Variants in HHAT observed in about 807,000 individuals in gnomAD.
HHAT encodes the protein protein-cysteine N-palmitoyltransferase HHAT.
In HHAT, 47 loss-of-function variants were observed where a neutral mutation model predicts 70.8. That is an observed-to-expected ratio of 0.66 (90% CI 0.53 to 0.85). The LOEUF (loss-of-function observed/expected upper bound fraction) is 0.85, where lower values mean the gene tolerates loss of function less well. HHAT is among the 40% of genes least tolerant of loss of function. The pLI, the probability that HHAT is intolerant of heterozygous loss-of-function variation, is 0.00. For missense variants in HHAT, 609 were observed against 604.8 expected (o/e 1.01, Z -0.07); for synonymous variants, 228 against 247.6 (o/e 0.92, Z 0.74).
At chr1:210,376,134 G>T (rs972112844) in intron 3 of HHAT, among the ~76,000 whole-genome samples, 2 of 150,984 alleles carry the variant, frequency 1.3e-5, no homozygotes, top group Admixed American at 6.7e-5. Flanking sequence ...CAAAGTTCTG[G>T]GATTACAGGC....
Position 210,617,627 on chromosome 1 carries a change from C to G in HHAT, c.1246-5899C>G, listed in dbSNP as rs146320411. Among the ~76,000 whole-genome samples, 696 of 152,332 alleles carry G rather than the reference C, an allele frequency of 4.6e-3. 9 individuals carry two copies. Among genetic ancestry groups the G allele is most frequent in the African/African-American group, 0.015 (641 of 41,558 alleles). On this transcript the variant is annotated intron_variant, in intron 10 of 11. Transcript: ENST00000261458. ...GTTTCCTTAGTTATTTGAAAGTACTCTGAAATTCTTGCATGTACTGCATGG... is the reference window on the plus strand; with the variant it reads ...GTTTCCTTAGTTATTTGAAAGTACTGTGAAATTCTTGCATGTACTGCATGG...
At chr1:210,353,177 C>T (rs1483302406) in intron 2 of HHAT, among the ~76,000 whole-genome samples, 2 of 152,102 alleles carry the variant, frequency 1.3e-5, no homozygotes, top group East Asian at 3.9e-4. Context: ...CTGGGGTAAT[C>T]CACTCCCCTC....
At chr1:210,636,575 G>GTTATTCCTT (rs1426818307) in intron 11 of HHAT, among the ~76,000 whole-genome samples, 1 of 152,088 alleles carries the variant, frequency 6.6e-6, no homozygotes, top group Non-Finnish European at 1.5e-5. Flanking sequence ...TTTTGGCCTG[G>GTTATTCCTT]TTATTCCTTA....
chr1:210,527,648 A>G (rs2095266940), intron 9 of HHAT, among the ~76,000 whole-genome samples: 2 of 152,356 alleles, frequency 1.3e-5, no homozygotes, highest in South Asian at 4.1e-4. Context: ...AGGTTTGGCG[A>G]TTCACAAGCT....
rs186082943 is a variant in HHAT at position 210,607,394 on chromosome 1, G to A, written c.1246-16132G>A. ...TGTTTATGTTGTTTAATTGGATATC[G>A]CTAGAGGAGTTTTGTTTCCTATCAC... On this transcript the variant is annotated intron_variant, in intron 10 of 11. Coordinates refer to ENST00000261458, the MANE Select transcript of HHAT (RefSeq NM_018194.6). Among the ~76,000 whole-genome samples, 755 of 152,246 alleles carry A rather than the reference G, an allele frequency of 5.0e-3. 8 individuals carry two copies. Among genetic ancestry groups the A allele is most frequent in the Admixed American group, 4.3e-3 (65 of 15,286 alleles).
chr1:210,498,782 T>C lies in HHAT; in HGVS notation c.1008-14371T>C, dbSNP rs915761421. The stretch of plus-strand genomic sequence containing the variant: ...AGTCTGTTTTTTTTTTTCTTTTTTT[T>C]TTTTTTTGAGACGGAGTCTCGCTCT... On this transcript the variant is annotated intron_variant, in intron 8 of 11. Transcript: ENST00000261458. Among the ~76,000 whole-genome samples the C allele has an allele frequency of 3.0e-3, 451 of 151,276 alleles. 2 individuals carry two copies. Among genetic ancestry groups the C allele is most frequent in the African/African-American group, 0.011 (439 of 41,166 alleles).
chr1:210,472,782 A>G (rs1273881645), intron 8 of HHAT, among the ~76,000 whole-genome samples: 1 of 152,234 alleles, frequency 6.6e-6, no homozygotes, highest in Non-Finnish European at 1.5e-5. Flanking sequence ...ATGAATGCAC[A>G]TGAGTTATAC....
intron 8 of HHAT, among the ~76,000 whole-genome samples, chr1:210,507,505 C>T (rs1005851031): frequency 3.3e-5 from 5 of 151,804 alleles, no homozygotes; most frequent in Non-Finnish European, 7.4e-5. Context: ...GGATTACAGG[C>T]ACCCAACACC....
intron 6 of HHAT, 39 bp from the exon 7 acceptor site, chr1:210,418,115 C>T (rs2092778838): frequency 6.2e-7 from 1 of 1,600,944 alleles, no homozygotes; most frequent in African/African-American, 1.3e-5. Context: ...TTTTAGGAAT[C>T]AAGGCACCAT....
chr1:210,641,294 G>A lies in HHAT; in HGVS notation c.1390+17624G>A, dbSNP rs147833290. 6.4e-3 allele frequency among the ~76,000 whole-genome samples: 970 copies of A among 152,206 alleles called. 31 individuals are homozygous for A. The highest frequency in any genetic ancestry group is 0.058 in the Admixed American group (890 of 15,290). ...AAAATGCACAAGTGTTAAATGTGCCGAATGATCAGTTTTTAAAATTGAAGA... is the reference window on the plus strand; with the variant it reads ...AAAATGCACAAGTGTTAAATGTGCCAAATGATCAGTTTTTAAAATTGAAGA... On this transcript the variant is annotated intron_variant, in intron 11 of 11. Coordinates refer to ENST00000261458, the MANE Select transcript of HHAT (RefSeq NM_018194.6).
At chr1:210,631,763 G>T (rs1670911126) in intron 11 of HHAT, among the ~76,000 whole-genome samples, 1 of 152,218 alleles carries the variant, frequency 6.6e-6, no homozygotes, top group Non-Finnish European at 1.5e-5. Context: ...TTGCAGTGAA[G>T]ATCAGAAAGT....
intron 8 of HHAT, among the ~76,000 whole-genome samples, chr1:210,510,580 A>G (rs1379924081): frequency 6.6e-6 from 1 of 152,160 alleles, no homozygotes; most frequent in East Asian, 1.9e-4. Flanking sequence ...AACATGAACC[A>G]TCATTTTCAA....
intron 8 of HHAT, among the ~76,000 whole-genome samples, chr1:210,469,124 G>A (rs762027046): frequency 9.2e-5 from 14 of 152,056 alleles, no homozygotes; most frequent in East Asian, 3.9e-4. Context: ...CTAATGGGCC[G>A]GGTAGGGAGG....
chr1:210,526,632 G>A (rs1037936510), intron 9 of HHAT, among the ~76,000 whole-genome samples: 13 of 151,968 alleles, frequency 8.6e-5, no homozygotes, highest in Non-Finnish European at 1.8e-4. Context: ...TGTGTGAGTC[G>A]CTTCTGTTTG....
chr1:210,660,679 A>G (rs1444858426), intron 11 of HHAT, among the ~76,000 whole-genome samples: 2 of 152,236 alleles, frequency 1.3e-5, no homozygotes, highest in African/African-American at 2.4e-5. Context: ...ACAAGACTAC[A>G]GTAGCCAAAA....
chr1:210,582,675 C>T (rs901054210), intron 9 of HHAT, among the ~76,000 whole-genome samples: 1 of 152,308 alleles, frequency 6.6e-6, no homozygotes, highest in Non-Finnish European at 1.5e-5. Context: ...TTGTGTACCT[C>T]TACTCAGCAT....
At chr1:210,370,857 A>G (rs2089509362) in intron 3 of HHAT, among the ~76,000 whole-genome samples, 1 of 152,038 alleles carries the variant, frequency 6.6e-6, no homozygotes, top group South Asian at 2.1e-4. Context: ...CTCGTGATCC[A>G]CCAGCCTTGG....
At chr1:210,405,828 C>T (rs774156591) in intron 6 of HHAT, among the ~76,000 whole-genome samples, 26 of 152,134 alleles carry the variant, frequency 1.7e-4, no homozygotes, top group African/African-American at 7.2e-5. Context: ...TCTCATACCT[C>T]GGTTTGGGAT....
At chr1:210,377,989 A>G (rs1202945897) in intron 3 of HHAT, among the ~76,000 whole-genome samples, 1 of 152,228 alleles carries the variant, frequency 6.6e-6, no homozygotes, top group Non-Finnish European at 1.5e-5. Flanking sequence ...ATTGATTGAG[A>G]GAGAGTGTTG....
Sources: allele counts gnomAD v4.1 joint callset (sites outside exome capture counted in the v4.1 genomes callset), GRCh38; gene constraint gnomAD v4.1.1; transcripts MANE v1.5; gene names NCBI Gene and HGNC (gene_info 2026-07-23, HGNC 2026-07-21).